PIK3C3: variants seen among roughly 807,000 people sequenced by gnomAD.
PIK3C3 encodes PI3-kinase type 3.
A neutral mutation model predicts 126.1 loss-of-function variants in PIK3C3; 95 were observed. That is an observed-to-expected ratio of 0.75 (90% CI 0.64 to 0.89). The LOEUF (loss-of-function observed/expected upper bound fraction) is 0.89. PIK3C3 is among the 40% of genes least tolerant of loss of function. PIK3C3 has a pLI of 0.00. For synonymous variants in PIK3C3, 374 were observed against 360.0 expected, an observed-to-expected ratio of 1.04 and a Z score of -0.44; for missense variants, 829 against 1,063.2, an observed-to-expected ratio of 0.78 and a Z score of 3.06.
intron 16 of PIK3C3, 49 bp downstream of exon 16, chr18:42,034,006 G>T: frequency 7.4e-7 from 1 of 1,359,708 alleles, no homozygotes. Context: ...TAATTCTTAA[G>T]CTAGATCAGA....
chr18:42,009,304 A>G (rs967499294), intron 10 of PIK3C3, among the ~76,000 whole-genome samples: 1 of 152,184 alleles, frequency 6.6e-6, no homozygotes, highest in African/African-American at 2.4e-5. Flanking sequence ...ATAATCTTCC[A>G]TTTAATTTAT....
chr18:42,020,858 G>T, intron 13 of PIK3C3, 153 bp downstream of exon 13: 1 of 556,300 alleles, frequency 1.8e-6, no homozygotes, highest in African/African-American at 1.9e-5. Flanking sequence ...CCTGACAGCT[G>T]GGTTCATGGA....
At chr18:42,033,647 CTGT>C (rs1397860619) in intron 15 of PIK3C3, among the ~76,000 whole-genome samples, 176 bp from the exon 16 acceptor site, 2 of 152,214 alleles carry the variant, frequency 1.3e-5, no homozygotes, top group African/African-American at 4.8e-5. Context: ...CATGCTGCTG[CTGT>C]TGTTAGGGAT....
chr18:42,023,328 G>T (rs1983410236), intron 13 of PIK3C3, among the ~76,000 whole-genome samples: 1 of 152,186 alleles, frequency 6.6e-6, no homozygotes. Flanking sequence ...CAAGTAGGCA[G>T]AATTTTCTGA....
chr18:42,053,440 G>A (rs935516312), intron 21 of PIK3C3, among the ~76,000 whole-genome samples: 1 of 152,152 alleles, frequency 6.6e-6, no homozygotes, highest in Non-Finnish European at 1.5e-5. Flanking sequence ...GTATTGTCAT[G>A]TGATTAATTA....
chr18:41,974,830 G>T (rs1371291128), intron 4 of PIK3C3, among the ~76,000 whole-genome samples: 1 of 152,140 alleles, frequency 6.6e-6, no homozygotes, highest in African/African-American at 2.4e-5. Context: ...TTTTGGATGT[G>T]ACTACCAAGC....
At chr18:42,054,134 A>ATC (rs1341393915) in intron 21 of PIK3C3, among the ~76,000 whole-genome samples, 900 of 12,526 alleles carry the variant, frequency 0.072, 76 homozygotes, top group African/African-American at 0.22. Flanking sequence ...TGGTATATAT[A>ATC]TATATATATA....
chr18:42,063,879 C>G (rs2144515447), intron 22 of PIK3C3, among the ~76,000 whole-genome samples: 1 of 152,220 alleles, frequency 6.6e-6, no homozygotes, highest in South Asian at 2.1e-4. Flanking sequence ...CCCTTCATTG[C>G]CTAAAACCAA....
chr18:41,983,367 T>C (rs546687773), intron 4 of PIK3C3, among the ~76,000 whole-genome samples: 2 of 152,120 alleles, frequency 1.3e-5, no homozygotes, highest in Admixed American at 6.5e-5. Flanking sequence ...TTTTTTTTTT[T>C]TCTCTCTCCA....
intron 21 of PIK3C3, chr18:42,051,290 A>T (rs376074564): frequency 2.0e-5 from 3 of 152,350 alleles, no homozygotes; most frequent in Middle Eastern, 3.4e-3. Flanking sequence ...TGAATTAATG[A>T]TGAATAAATA....
At chr18:42,024,582 T>C (rs1983470332) in intron 13 of PIK3C3, among the ~76,000 whole-genome samples, 3 of 150,258 alleles carry the variant, frequency 2.0e-5, no homozygotes, top group African/African-American at 4.9e-5. Flanking sequence ...ATTACAGGCA[T>C]GTGCCACCAA....
rs1983726468 is a variant in PIK3C3, at chr18:42,029,494, T to C, written c.1707+53T>C. 3 of 935,684 alleles carry C rather than the reference T, an allele frequency of 3.2e-6. No individual in the cohort carries two copies. In the Admixed American group the frequency reaches 5.3e-5, roughly 16 times the overall value. 58.0% of individuals were successfully genotyped at this position (935,684 alleles called of 1,614,324 possible). On this transcript the variant is annotated intron_variant, in intron 15 of 24. Transcript: ENST00000262039. ...CTAATAGCATCTTGGCATCAGAAAA[T>C]ACTGAATTTTCACTATTGTCTTTTT...
chr18:42,079,749 A>G (rs1986169831), intron 24 of PIK3C3, among the ~76,000 whole-genome samples: 1 of 152,146 alleles, frequency 6.6e-6, no homozygotes. Context: ...ATTACTTCCA[A>G]GTTATTTAGA....
At chr18:41,987,200 C>G (rs1452534878) in intron 4 of PIK3C3, among the ~76,000 whole-genome samples, 1 of 151,998 alleles carries the variant, frequency 6.6e-6, no homozygotes, top group Admixed American at 6.6e-5. Flanking sequence ...CAGGAATTCT[C>G]TATGGATTTG....
intron 13 of PIK3C3, among the ~76,000 whole-genome samples, chr18:42,022,258 T>A (rs1325687227): frequency 2.0e-5 from 3 of 152,212 alleles, no homozygotes; most frequent in East Asian, 1.9e-4. Flanking sequence ...TCATTAACAT[T>A]AGGTATTTCT....
intron 24 of PIK3C3, among the ~76,000 whole-genome samples, chr18:42,073,501 C>G (rs1391343011): frequency 6.6e-6 from 1 of 152,176 alleles, no homozygotes; most frequent in Non-Finnish European, 1.5e-5. Context: ...AAGTGCCTCT[C>G]ATGCATAACA....
chr18:41,978,848 G>T (rs2144328872), intron 4 of PIK3C3, among the ~76,000 whole-genome samples: 1 of 152,076 alleles, frequency 6.6e-6, no homozygotes, highest in East Asian at 1.9e-4. Flanking sequence ...CATGATGAAT[G>T]AATATTGAAA....
Position 42,086,898 on chromosome 18 carries a change from C to G in PIK3C3, c.*5761C>G, listed in dbSNP as rs1986411369. 1 of 152,202 alleles carries G rather than the reference C, an allele frequency of 6.6e-6. No homozygotes were observed. Among genetic ancestry groups the G allele is most frequent in the Non-Finnish European group, 1.5e-5 (1 of 68,046 alleles). The allele number at this position is 152,202 out of a possible 1,614,324, so 9.4% of individuals were successfully genotyped here. A position where few individuals can be genotyped will look rare whatever the true frequency, so the allele number is the denominator to read the frequency against. Reference sequence around the variant, plus strand: ...TTAACCTGCTTTCACTTTATGGACTCCCCTGAATTCTTCTGCAGGAGATCC... The same window carrying G: ...TTAACCTGCTTTCACTTTATGGACTGCCCTGAATTCTTCTGCAGGAGATCC... On this transcript the variant is annotated 3_prime_UTR_variant, in exon 25 of 25. Transcript: ENST00000262039.
At chr18:41,984,628 A>G (rs1468385046) in intron 4 of PIK3C3, among the ~76,000 whole-genome samples, 2 of 152,146 alleles carry the variant, frequency 1.3e-5, no homozygotes, top group Non-Finnish European at 2.9e-5. Context: ...TCATTTAGCA[A>G]TTGTGATAGC....
Sources: allele counts gnomAD v4.1 joint callset (sites outside exome capture counted in the v4.1 genomes callset), GRCh38; gene constraint gnomAD v4.1.1; transcripts MANE v1.5; gene names NCBI Gene and HGNC (gene_info 2026-07-23, HGNC 2026-07-21).